Variants in CHST8 observed in about 807,000 individuals in gnomAD.
The protein encoded by CHST8 is carbohydrate sulfotransferase 8.
A neutral mutation model predicts 15.0 loss-of-function variants in CHST8; 10 were observed. That is an observed-to-expected ratio of 0.67 (90% CI 0.41 to 1.13). The LOEUF is 1.13. Among genes scored for constraint, CHST8 ranks in the 50% most tolerant of loss-of-function variants. The pLI, the probability that CHST8 is intolerant of heterozygous loss-of-function variation, is 0.00. For synonymous variants in CHST8, 259 were observed against 256.6 expected, an observed-to-expected ratio of 1.01 and a Z score of -0.09; for missense variants, 634 against 608.2, an observed-to-expected ratio of 1.04 and a Z score of -0.45.
chr19:33,766,335 C>A (rs974898178), intron 3 of CHST8, among the ~76,000 whole-genome samples: 1 of 152,058 alleles, frequency 6.6e-6, no homozygotes, highest in Non-Finnish European at 1.5e-5. Context: ...CATTCAGAAC[C>A]CTTCATACTT....
intron 3 of CHST8, among the ~76,000 whole-genome samples, chr19:33,729,077 C>T (rs1973951727): frequency 6.6e-6 from 1 of 152,174 alleles, no homozygotes; most frequent in African/African-American, 2.4e-5. Context: ...AGGAGATGGG[C>T]ACTCCCCCAC....
intron 3 of CHST8, among the ~76,000 whole-genome samples, chr19:33,701,450 C>T (rs2192627): frequency 6.6e-6 from 1 of 152,162 alleles, no homozygotes; most frequent in African/African-American, 2.4e-5. Context: ...TCGCTGTAAT[C>T]TGAAAATTGA....
At chr19:33,761,572 A>G (rs1599635749) in intron 3 of CHST8, among the ~76,000 whole-genome samples, 1 of 151,914 alleles carries the variant, frequency 6.6e-6, no homozygotes, top group Non-Finnish European at 1.5e-5. Flanking sequence ...CTCAGGTGAT[A>G]CACCCGCCTC....
At chr19:33,732,357 C>T (rs1008861320) in intron 3 of CHST8, among the ~76,000 whole-genome samples, 1 of 152,038 alleles carries the variant, frequency 6.6e-6, no homozygotes, top group African/African-American at 2.4e-5. Flanking sequence ...GGAGTTAGCA[C>T]CAGACGCCAC....
chr19:33,743,916 C>CA (rs765202144), intron 3 of CHST8, among the ~76,000 whole-genome samples: 2 of 152,030 alleles, frequency 1.3e-5, no homozygotes, highest in African/African-American at 2.4e-5. Context: ...CTCAGCCTCC[C>CA]AAGTAGCTGG....
intron 3 of CHST8, among the ~76,000 whole-genome samples, chr19:33,742,086 G>A (rs547330486): frequency 2.0e-5 from 3 of 152,188 alleles, no homozygotes; most frequent in African/African-American, 7.2e-5. Flanking sequence ...AGAAATGTCT[G>A]AGTGTTCTCC....
chr19:33,679,735 A>G lies in CHST8; in HGVS notation c.-86-9441A>G, dbSNP rs148702130. ...TTATTTCTTGTGTGTAACCTTGGCC[A>G]TATTTAGTCTCTCTGGGTCTTCATT... is the stretch of plus-strand genomic sequence containing the variant. On this transcript the variant is annotated intron_variant, in intron 2 of 4. Transcript: ENST00000650847. Among the ~76,000 whole-genome samples, 87 of 152,290 alleles carry G rather than the reference A, an allele frequency of 5.7e-4. No homozygotes were observed. The South Asian group carries it at 0.01, about 18-fold the overall frequency.
chr19:33,706,768 GT>G (rs909152926), intron 3 of CHST8, among the ~76,000 whole-genome samples: 7 of 152,226 alleles, frequency 4.6e-5, no homozygotes, highest in Non-Finnish European at 1.0e-4. Context: ...AGTAGCGGCA[GT>G]AATTAAAGGA....
chr19:33,724,001 T>C (rs569702928), intron 3 of CHST8, among the ~76,000 whole-genome samples: 1 of 152,244 alleles, frequency 6.6e-6, no homozygotes, highest in East Asian at 1.9e-4. Context: ...AGGGGGAGGT[T>C]AGGTGGACAG....
At position 33,632,666 on chromosome 19, in the gene CHST8, C is replaced by A. The variant is rs577518288; in HGVS notation, c.-164+10370C>A. Among the ~76,000 whole-genome samples, 9 of 152,178 alleles carry A rather than the reference C, an allele frequency of 5.9e-5. No individual in the cohort carries two copies. In the East Asian group the frequency reaches 1.4e-3, roughly 23 times the overall value. On this transcript the variant is annotated intron_variant, in intron 1 of 4. Transcript: ENST00000650847. ...CAGAACATGACCAGGACCCCAGAAC[C>A]CCCCCATGACCTCTTCCAGTCATTC...
chr19:33,644,322 C>T (rs1252888136), intron 1 of CHST8, among the ~76,000 whole-genome samples: 1 of 152,110 alleles, frequency 6.6e-6, no homozygotes, highest in Non-Finnish European at 1.5e-5. Context: ...GTGCTGGGTG[C>T]ATGTCAGGTA....
intron 2 of CHST8, among the ~76,000 whole-genome samples, chr19:33,682,792 A>G (rs1370531984): frequency 6.6e-6 from 1 of 152,194 alleles, no homozygotes; most frequent in Non-Finnish European, 1.5e-5. Flanking sequence ...CTAGCATCAC[A>G]ATATATTTTA....
chr19:33,655,873 CTT>C (rs1322888455), intron 1 of CHST8, among the ~76,000 whole-genome samples: 2 of 152,060 alleles, frequency 1.3e-5, no homozygotes, highest in East Asian at 3.9e-4. Flanking sequence ...CTGTTCAACT[CTT>C]TTAAAAATCA....
Position 33,625,082 on chromosome 19 carries a change from T to G in CHST8, c.-164+2786T>G, listed in dbSNP as rs200949695. Reference sequence around the variant, plus strand: ...GGACACAGGATTATGGCAGCTTTCTTTCTTTCTTTTTTTTTTTTTTGAGAT... The same window carrying G: ...GGACACAGGATTATGGCAGCTTTCTGTCTTTCTTTTTTTTTTTTTTGAGAT... On this transcript the variant is annotated intron_variant, in intron 1 of 4. Coordinates refer to ENST00000650847, the MANE Select transcript of CHST8 (RefSeq NM_001127895.2). Among the ~76,000 whole-genome samples, 4 of 150,156 alleles carry G rather than the reference T, an allele frequency of 2.7e-5. No individual in the cohort carries two copies. The East Asian group carries it at 7.8e-4, about 29-fold the overall frequency.
intron 3 of CHST8, among the ~76,000 whole-genome samples, chr19:33,753,416 TTCCTCCCACCACCCACCCTCCA>T (rs1482540830): frequency 2.5e-4 from 11 of 44,534 alleles, no homozygotes; most frequent in African/African-American, 1.0e-3. Context: ...ACCACCCACC[TTCCTCCCACCACCCACCCTCCA>T]TCCTCCCACC....
intron 1 of CHST8, among the ~76,000 whole-genome samples, chr19:33,648,758 A>C (rs910577847): frequency 6.6e-6 from 1 of 152,148 alleles, no homozygotes; most frequent in Non-Finnish European, 1.5e-5. Flanking sequence ...TTGTACACGA[A>C]TGTGTACACA....
At chr19:33,663,590 G>A (rs1476212097) in intron 1 of CHST8, among the ~76,000 whole-genome samples, 2 of 152,148 alleles carry the variant, frequency 1.3e-5, no homozygotes, top group East Asian at 3.9e-4. Flanking sequence ...AGCAGGAGGG[G>A]CCAGGTGCAG....
intron 3 of CHST8, among the ~76,000 whole-genome samples, chr19:33,708,382 C>A (rs981551211): frequency 6.6e-6 from 1 of 152,112 alleles, no homozygotes; most frequent in Non-Finnish European, 1.5e-5. Flanking sequence ...TCTGTGTCTG[C>A]GGTCCATTTT....
rs756906111 is a variant in CHST8 at position 33,772,198 on chromosome 19, C to T, written c.410C>T (p.Pro137Leu). Residue 137 changes from proline to leucine, a missense_variant, in exon 5 of 5, where the codon CCG becomes CTG. By Grantham distance (98) the Pro-to-Leu change is moderately conservative (BLOSUM62 -3). Coordinates refer to ENST00000650847, the MANE Select transcript of CHST8 (RefSeq NM_001127895.2). ...AGCTCGGACGCGCCCTTCATCCGGC[C>T]GGGACCCGGGACGCTGGATGGCCGC... Reference protein sequence around the residue: ...ANSSDAPFIRPGPGTLDGRWV... With the variant: ...ANSSDAPFIRLGPGTLDGRWV... The T allele has an allele frequency of 1.3e-6, 2 of 1,592,872 alleles. No individual in the cohort carries two copies. The highest frequency in any genetic ancestry group is 1.3e-5 in the African/African-American group (1 of 74,648).
Sources: allele counts gnomAD v4.1 joint callset (sites outside exome capture counted in the v4.1 genomes callset), GRCh38; gene constraint gnomAD v4.1.1; transcripts MANE v1.5; gene names NCBI Gene and HGNC (gene_info 2026-07-23, HGNC 2026-07-21).